The following MTUS2 variants were observed in gnomAD, a reference collection of about 807,000 sequenced individuals.
MTUS2 encodes the protein microtubule-associated tumor suppressor candidate 2.
In MTUS2, 40 loss-of-function variants were observed where a neutral mutation model predicts 114.1. That is an observed-to-expected ratio of 0.35 (90% CI 0.27 to 0.46). The LOEUF (loss-of-function observed/expected upper bound fraction) is 0.46. Ranked by LOEUF, MTUS2 falls within the 20% of genes least tolerant of loss-of-function variation. The pLI is 1.00. For missense variants in MTUS2, 1,679 were observed against 1,705.4 expected, an observed-to-expected ratio of 0.98 and a Z score of 0.27; for synonymous variants, 688 against 672.0, an observed-to-expected ratio of 1.02 and a Z score of -0.37.
intron 2 of MTUS2, among the ~76,000 whole-genome samples, chr13:28,893,328 A>C (rs577158597): frequency 6.6e-6 from 1 of 152,306 alleles, no homozygotes; most frequent in East Asian, 1.9e-4. Context: ...TAGTTCTGGC[A>C]CATGGTGCTT....
chr13:29,263,137 A>G (rs575092586), intron 5 of MTUS2, among the ~76,000 whole-genome samples: 2 of 152,316 alleles, frequency 1.3e-5, no homozygotes, highest in East Asian at 3.9e-4. Flanking sequence ...ACTGTACTAT[A>G]TGGCACTCTT....
At chr13:29,302,015 C>T (rs771284103) in intron 6 of MTUS2, among the ~76,000 whole-genome samples, 4 of 152,164 alleles carry the variant, frequency 2.6e-5, no homozygotes, top group Non-Finnish European at 5.9e-5. Context: ...TTAATCACCT[C>T]CCAAAGGCCC....
intron 2 of MTUS2, among the ~76,000 whole-genome samples, chr13:28,949,509 TGTATA>T (rs1426596086): frequency 6.6e-6 from 1 of 152,262 alleles, no homozygotes; most frequent in Non-Finnish European, 1.5e-5. Context: ...AATTTTTAAC[TGTATA>T]GTTCAGTAGT....
intron 11 of MTUS2, among the ~76,000 whole-genome samples, chr13:29,491,343 G>A (rs1340256883): frequency 6.6e-6 from 1 of 150,692 alleles, no homozygotes; most frequent in Non-Finnish European, 1.5e-5. Flanking sequence ...GTGTGTGGGT[G>A]TGTTATGCGT....
At chr13:29,389,459 G>A (rs1873005632) in intron 8 of MTUS2, among the ~76,000 whole-genome samples, 3 of 116,012 alleles carry the variant, frequency 2.6e-5, no homozygotes, top group African/African-American at 8.8e-5. Context: ...ATACACGTGT[G>A]TGTATGTGTA....
intron 2 of MTUS2, among the ~76,000 whole-genome samples, chr13:28,894,289 G>GAGAGA (rs1283422275): frequency 5.9e-4 from 7 of 11,810 alleles, no homozygotes; most frequent in African/African-American, 3.0e-3. Flanking sequence ...TGGGGGGGGG[G>GAGAGA]GAGAGAGAGA....
chr13:29,058,971 T>G, intron 4 of MTUS2, among the ~76,000 whole-genome samples: 1 of 152,200 alleles, frequency 6.6e-6, no homozygotes, highest in East Asian at 1.9e-4. Context: ...ATTGATTTAT[T>G]GTATTCTTTA....
At chr13:29,310,448 A>C (rs1899701663) in intron 6 of MTUS2, among the ~76,000 whole-genome samples, 1 of 152,252 alleles carries the variant, frequency 6.6e-6, no homozygotes, top group Admixed American at 6.5e-5. Context: ...TTAAACAACT[A>C]AGTTAGTATT....
At chr13:29,390,550 G>A (rs1193067807) in intron 8 of MTUS2, among the ~76,000 whole-genome samples, 1 of 151,274 alleles carries the variant, frequency 6.6e-6, no homozygotes, top group East Asian at 2.0e-4. Context: ...CTACCCAGGA[G>A]GCTGAGGCAG....
chr13:29,407,464 T>G (rs1874853607), intron 8 of MTUS2, among the ~76,000 whole-genome samples: 1 of 135,530 alleles, frequency 7.4e-6, no homozygotes, highest in South Asian at 2.4e-4. Flanking sequence ...ATTTATTTAT[T>G]TATTTATTTA....
chr13:29,431,789 G>A (rs1179286959), intron 8 of MTUS2, among the ~76,000 whole-genome samples: 1 of 152,146 alleles, frequency 6.6e-6, no homozygotes, highest in East Asian at 1.9e-4. Context: ...CATAGGGAGT[G>A]TGGGGAAATT....
intron 2 of MTUS2, among the ~76,000 whole-genome samples, chr13:28,865,067 ATGTG>A (rs945609018): frequency 1.3e-5 from 2 of 151,996 alleles, no homozygotes; most frequent in East Asian, 3.9e-4. Flanking sequence ...GTCTGTGTAT[ATGTG>A]TGTGTGTCTA....
At chr13:29,076,416 C>T (rs1889194666) in intron 4 of MTUS2, among the ~76,000 whole-genome samples, 1 of 152,198 alleles carries the variant, frequency 6.6e-6, no homozygotes, top group Non-Finnish European at 1.5e-5. Flanking sequence ...CTAATGGTTT[C>T]TGTGGGTCAG....
At chr13:29,013,335 C>T (rs1885931244) in intron 2 of MTUS2, among the ~76,000 whole-genome samples, 1 of 152,054 alleles carries the variant, frequency 6.6e-6, no homozygotes, top group African/African-American at 2.4e-5. Flanking sequence ...TTGTCACCGA[C>T]TCTTGGTGGT....
At chr13:28,934,820 G>T (rs1213152822) in intron 2 of MTUS2, among the ~76,000 whole-genome samples, 4 of 152,124 alleles carry the variant, frequency 2.6e-5, no homozygotes, top group Non-Finnish European at 5.9e-5. Flanking sequence ...TTTGTATTCA[G>T]TTATAACTTA....
chr13:29,483,291 C>T (rs1881337559), intron 10 of MTUS2, among the ~76,000 whole-genome samples: 1 of 152,354 alleles, frequency 6.6e-6, no homozygotes, highest in East Asian at 1.9e-4. Context: ...TCACTTTACT[C>T]AAATTGGGAC....
chr13:29,289,280 A>T (rs1448369995), intron 6 of MTUS2, among the ~76,000 whole-genome samples: 5 of 151,806 alleles, frequency 3.3e-5, no homozygotes, highest in Non-Finnish European at 4.4e-5. Context: ...TCCTGCAGAG[A>T]GGCTGGGTGG....
chr13:29,471,413 G>C (rs1258911627), intron 9 of MTUS2, among the ~76,000 whole-genome samples: 1 of 152,138 alleles, frequency 6.6e-6, no homozygotes, highest in Admixed American at 6.5e-5. Context: ...TGCCCGCCAT[G>C]ACAGCATCTG....
At chr13:28,871,721 C>T (rs1212235106) in intron 2 of MTUS2, among the ~76,000 whole-genome samples, 1 of 152,176 alleles carries the variant, frequency 6.6e-6, no homozygotes, top group Admixed American at 6.5e-5. Context: ...TAAGAAAGTA[C>T]AGCAGGATAA....
Sources: allele counts gnomAD v4.1 joint callset (sites outside exome capture counted in the v4.1 genomes callset), GRCh38; gene constraint gnomAD v4.1.1; transcripts MANE v1.5; gene names NCBI Gene and HGNC (gene_info 2026-07-23, HGNC 2026-07-21).